Variants in SRGAP1 observed in about 807,000 individuals in gnomAD.
The protein encoded by SRGAP1 is SLIT-ROBO Rho GTPase activating protein 1, also known as SLIT-ROBO Rho GTPase-activating protein 1.
In SRGAP1, 43 loss-of-function variants were observed where a neutral mutation model predicts 121.9. The ratio of observed to expected loss-of-function variants is 0.35; its 90% CI spans 0.28 to 0.46. The LOEUF (loss-of-function observed/expected upper bound fraction) is 0.46, where lower values mean the gene tolerates loss of function less well. Ranked by LOEUF, SRGAP1 falls within the 20% of genes least tolerant of loss-of-function variation. SRGAP1 has a pLI of 1.00. For missense variants in SRGAP1, 1,102 were observed against 1,350.9 expected (o/e 0.82, Z 2.89); for synonymous variants, 447 against 485.4 (o/e 0.92, Z 1.04).
At chr12:64,064,274 A>C (rs1348728128) in intron 7 of SRGAP1, among the ~76,000 whole-genome samples, 1 of 152,178 alleles carries the variant, frequency 6.6e-6, no homozygotes, top group Non-Finnish European at 1.5e-5. Context: ...GAAACTCTAT[A>C]AAAGGAACCC....
At chr12:64,050,631 G>T (rs2035219957) in intron 6 of SRGAP1, among the ~76,000 whole-genome samples, 6 of 152,186 alleles carry the variant, frequency 3.9e-5, no homozygotes, top group Admixed American at 3.3e-4. Flanking sequence ...CACAGCTGAT[G>T]TGTCTAGGCA....
rs1565705524 is a variant in SRGAP1 at position 64,154,549 on chromosome 12, C to T, written c.*11877C>T. The T allele has an allele frequency of 6.6e-6, 1 of 152,078 alleles. No homozygotes were observed. The highest frequency in any genetic ancestry group is 1.5e-5 in the Non-Finnish European group (1 of 68,022). The allele number at this position is 152,078 out of a possible 1,614,324, so 9.4% of individuals were successfully genotyped here. A position where few individuals can be genotyped will look rare whatever the true frequency, so the allele number is the denominator to read the frequency against. On this transcript the variant is annotated 3_prime_UTR_variant, in exon 22 of 22. Transcript: ENST00000355086. ...AAAGAAAGAAAAGAATCAAGAGTGG[C>T]TCCTAGTATTTGTTTGAGCAAATGG...
rs776228266 is a variant in SRGAP1, at chr12:64,108,594, CT to C, written c.1814-335del. Among the ~76,000 whole-genome samples the C allele has an allele frequency of 5.3e-5, 8 of 152,240 alleles. No individual in the cohort carries two copies. The East Asian group carries it at 9.7e-4, about 18-fold the overall frequency. Reference sequence around the variant, plus strand: ...AGAGGTGCCATGCCCCAGAAAGCTACTTTGGTTAGCATGCAGCAAGAAGTTG... The same window carrying C: ...AGAGGTGCCATGCCCCAGAAAGCTACTTGGTTAGCATGCAGCAAGAAGTTG... On this transcript the variant is annotated intron_variant, in intron 15 of 21. Transcript: ENST00000355086.
intron 2 of SRGAP1, among the ~76,000 whole-genome samples, chr12:63,985,738 C>G (rs970002530): frequency 5.3e-5 from 8 of 152,162 alleles, no homozygotes; most frequent in Non-Finnish European, 1.0e-4. Flanking sequence ...GAACTGAGAG[C>G]TTCCTCCCCA....
At chr12:64,036,136 A>G (rs947313408) in intron 4 of SRGAP1, among the ~76,000 whole-genome samples, 29 of 152,196 alleles carry the variant, frequency 1.9e-4, no homozygotes, top group Non-Finnish European at 3.7e-4. Flanking sequence ...TGTAAAGATC[A>G]TGGCACACGT....
intron 1 of SRGAP1, among the ~76,000 whole-genome samples, chr12:63,885,700 T>C (rs781062555): frequency 3.3e-5 from 5 of 152,088 alleles, no homozygotes; most frequent in Non-Finnish European, 5.9e-5. Flanking sequence ...CCTGGGCAAG[T>C]AGAAGAAAAA....
At chr12:64,093,040 G>A (rs1176969222) in intron 12 of SRGAP1, among the ~76,000 whole-genome samples, 1 of 152,044 alleles carries the variant, frequency 6.6e-6, no homozygotes, top group African/African-American at 2.4e-5. Context: ...CAATACAGAG[G>A]GCTCCTTTCC....
At chr12:63,866,837 A>C (rs1899651756) in intron 1 of SRGAP1, among the ~76,000 whole-genome samples, 1 of 151,002 alleles carries the variant, frequency 6.6e-6, no homozygotes, top group African/African-American at 2.4e-5. Context: ...GTCTCTGGGG[A>C]GATAAGGGAG....
chr12:64,126,035 A>G lies in SRGAP1; in HGVS notation c.2283A>G (p.Glu761=). 1 of 1,614,178 alleles carries G rather than the reference A, an allele frequency of 6.2e-7. No individual in the cohort carries two copies. The highest frequency in any genetic ancestry group is 8.5e-7 in the Non-Finnish European group (1 of 1,180,026). ...ACTATGTTGGGCGGTCTGCCAGAGAACTATCCTTCAAGAAGGGTGCCTCCC... is the reference window on the plus strand; with the variant it reads ...ACTATGTTGGGCGGTCTGCCAGAGAGCTATCCTTCAAGAAGGGTGCCTCCC... ...KFDYVGRSAR[E]LSFKKGASLL... is the part of the protein sequence containing the mutation. The change falls in exon 19 of 22, where the codon GAA becomes GAG. Residue 761 remains glutamate (E), a synonymous_variant. Transcript: ENST00000355086.
intron 1 of SRGAP1, among the ~76,000 whole-genome samples, chr12:63,960,933 GAAA>G (rs1013660910): frequency 6.6e-6 from 1 of 152,166 alleles, no homozygotes; most frequent in Non-Finnish European, 1.5e-5. Context: ...ATTTGCCTCT[GAAA>G]AATCATCTGG....
intron 21 of SRGAP1, 81 bp from the exon 22 acceptor site, chr12:64,142,214 T>G (rs2036975689): frequency 6.7e-7 from 1 of 1,484,972 alleles, no homozygotes; most frequent in Non-Finnish European, 9.1e-7. Flanking sequence ...CCGTTTACTT[T>G]GAAATTAAGT....
chr12:63,965,013 C>G (rs1338217359), intron 1 of SRGAP1, among the ~76,000 whole-genome samples: 1 of 152,186 alleles, frequency 6.6e-6, no homozygotes, highest in Non-Finnish European at 1.5e-5. Flanking sequence ...GCATTGAAAC[C>G]TGGCTCTGTC....
At chr12:63,921,746 G>A (rs772911188) in intron 1 of SRGAP1, among the ~76,000 whole-genome samples, 1 of 152,166 alleles carries the variant, frequency 6.6e-6, no homozygotes, top group Non-Finnish European at 1.5e-5. Flanking sequence ...TGCCTGGTAC[G>A]TAGAGAACAT....
At chr12:64,109,286 A>C (rs147857696) in intron 16 of SRGAP1, among the ~76,000 whole-genome samples, 151 of 152,296 alleles carry the variant, frequency 9.9e-4, no homozygotes, top group East Asian at 2.1e-3. Flanking sequence ...CTAAAAAAAA[A>C]CCACAACTTT....
In SRGAP1 at chr12:63,931,777, G is replaced by A. The variant is rs77875100; in HGVS notation, c.68-52170G>A. ...TTTCACAGTAGAAGAAATTTGAGTT[G>A]TGCCTTAGAACAAGGTGGATAAGAG... On this transcript the variant is annotated intron_variant, in intron 1 of 21. Coordinates refer to ENST00000355086, the MANE Select transcript of SRGAP1 (RefSeq NM_020762.4). 2.0e-5 allele frequency among the ~76,000 whole-genome samples: 3 copies of A among 152,284 alleles called. No individual in the cohort carries two copies. The East Asian group carries it at 5.8e-4, about 29-fold the overall frequency.
chr12:64,150,337 GCTGT>G lies in SRGAP1; in HGVS notation c.*7668_*7671del, dbSNP rs773329859. On this transcript the variant is annotated 3_prime_UTR_variant, in exon 22 of 22. Transcript: ENST00000355086. ...ATGGATGGATCCTTCACACCCAACA[GCTGT>G]CTATCAGGGGTGCTTCCGAGGGTCA... is the stretch of plus-strand genomic sequence containing the variant. The G allele has an allele frequency of 3.3e-5, 5 of 152,336 alleles. No homozygotes were observed. The highest frequency in any genetic ancestry group is 2.6e-4 in the Admixed American group (4 of 15,304). 9.4% of individuals were successfully genotyped at this position (152,336 alleles called of 1,614,324 possible). A position where few individuals can be genotyped will look rare whatever the true frequency, so the allele number is the denominator to read the frequency against.
intron 16 of SRGAP1, among the ~76,000 whole-genome samples, chr12:64,110,898 C>T (rs1225343598): frequency 6.6e-6 from 1 of 152,148 alleles, no homozygotes; most frequent in Non-Finnish European, 1.5e-5. Flanking sequence ...CATCACCTCA[C>T]AAAGGTAGTT....
At chr12:63,885,039 T>A (rs926261162) in intron 1 of SRGAP1, among the ~76,000 whole-genome samples, 2 of 152,220 alleles carry the variant, frequency 1.3e-5, no homozygotes, top group East Asian at 1.9e-4. Context: ...GAGTAGATTT[T>A]AAAAATCCAC....
intron 4 of SRGAP1, among the ~76,000 whole-genome samples, chr12:64,019,239 C>A (rs898663410): frequency 6.6e-6 from 1 of 152,080 alleles, no homozygotes; most frequent in Admixed American, 6.6e-5. Context: ...TCCAGCCTAT[C>A]GATTGCACCT....
Sources: allele counts gnomAD v4.1 joint callset (sites outside exome capture counted in the v4.1 genomes callset), GRCh38; gene constraint gnomAD v4.1.1; transcripts MANE v1.5; gene names NCBI Gene and HGNC (gene_info 2026-07-23, HGNC 2026-07-21).